MYO3B: variants seen among roughly 807,000 people sequenced by gnomAD.
MYO3B encodes the protein myosin IIIB.
MYO3B carries 156 observed loss-of-function variants against 174.6 expected under a neutral mutation model. The ratio of observed to expected loss-of-function variants is 0.89; its 90% CI spans 0.78 to 1.02. MYO3B has a LOEUF of 1.02. Among genes scored for constraint, MYO3B ranks in the 50% least tolerant of loss-of-function variants. The pLI is 0.00. For synonymous variants in MYO3B, 563 were observed against 569.1 expected (o/e 0.99, Z 0.15); for missense variants, 1,632 against 1,639.4 (o/e 1.00, Z 0.08).
At chr2:170,313,311 A>G (rs970537582) in intron 7 of MYO3B, among the ~76,000 whole-genome samples, 5 of 152,240 alleles carry the variant, frequency 3.3e-5, no homozygotes, top group African/African-American at 4.8e-5. Flanking sequence ...GCATGTAGAT[A>G]ACATGTATGG....
intron 22 of MYO3B, among the ~76,000 whole-genome samples, chr2:170,433,970 C>A (rs998998723): frequency 6.6e-6 from 1 of 152,120 alleles, no homozygotes; most frequent in Non-Finnish European, 1.5e-5. Context: ...TTGATATTAA[C>A]GTGAAAGCTG....
chr2:170,243,261 C>G (rs559315323), intron 7 of MYO3B, among the ~76,000 whole-genome samples: 1 of 152,318 alleles, frequency 6.6e-6, no homozygotes, highest in Admixed American at 6.5e-5. Flanking sequence ...CATCTGTGAT[C>G]AGCTGAGAAT....
intron 3 of MYO3B, among the ~76,000 whole-genome samples, chr2:170,212,768 C>T (rs2092786209): frequency 6.6e-6 from 1 of 152,200 alleles, no homozygotes; most frequent in Non-Finnish European, 1.5e-5. Flanking sequence ...GTGAATTCCC[C>T]GTGGCTCCAC....
At chr2:170,322,902 A>G (rs568681269) in intron 7 of MYO3B, among the ~76,000 whole-genome samples, 1 of 152,270 alleles carries the variant, frequency 6.6e-6, no homozygotes, top group African/African-American at 2.4e-5. Flanking sequence ...TTCCCCCATT[A>G]GAGACAATGT....
At chr2:170,358,221 A>C (rs2105633595) in intron 8 of MYO3B, among the ~76,000 whole-genome samples, 1 of 152,306 alleles carries the variant, frequency 6.6e-6, no homozygotes, top group East Asian at 1.9e-4. Context: ...CGGATCAACA[A>C]AATGTGGTAT....
intron 7 of MYO3B, among the ~76,000 whole-genome samples, chr2:170,268,726 C>T (rs1354578199): frequency 1.3e-5 from 2 of 151,806 alleles, no homozygotes; most frequent in Non-Finnish European, 2.9e-5. Context: ...ATTAGCAACA[C>T]ACAGATGGAA....
rs924372847 is a variant in MYO3B at position 170,203,716 on chromosome 2, C to T, written c.321+3432C>T. The stretch of plus-strand genomic sequence containing the variant: ...AATCAGGGTCTTAGTCATACTCTGA[C>T]GGACTCAAATGTGGGACTGGTGGAT... On this transcript the variant is annotated intron_variant, in intron 3 of 34. Coordinates refer to ENST00000408978, the MANE Select transcript of MYO3B (RefSeq NM_138995.5). Among the ~76,000 whole-genome samples, 6 of 152,190 alleles carry T rather than the reference C, an allele frequency of 3.9e-5. No homozygotes were observed. In the South Asian group the frequency reaches 1.0e-3, roughly 26 times the overall value.
chr2:170,496,133 C>T (rs1376145529), intron 25 of MYO3B, among the ~76,000 whole-genome samples: 8 of 152,204 alleles, frequency 5.3e-5, no homozygotes, highest in African/African-American at 1.9e-4. Context: ...GAGCACTGCC[C>T]CTCCTCCCCA....
intron 22 of MYO3B, among the ~76,000 whole-genome samples, chr2:170,440,976 A>G (rs1188395877): frequency 1.3e-5 from 2 of 151,320 alleles, no homozygotes; most frequent in Non-Finnish European, 2.9e-5. Flanking sequence ...TAATTTTTGT[A>G]TTTTTAGTAG....
At chr2:170,584,641 G>A (rs1157298411) in intron 32 of MYO3B, among the ~76,000 whole-genome samples, 1 of 152,200 alleles carries the variant, frequency 6.6e-6, no homozygotes, top group Non-Finnish European at 1.5e-5. Flanking sequence ...GTGTTGGATT[G>A]GACCTTTCGC....
At chr2:170,348,431 T>G (rs748281847) in intron 8 of MYO3B, 1 of 152,078 alleles carries the variant, frequency 6.6e-6, no homozygotes, top group Non-Finnish European at 1.5e-5. Context: ...AGAGATGAGA[T>G]TTCATCATGT....
chr2:170,321,420 A>C (rs2093825556), intron 7 of MYO3B, among the ~76,000 whole-genome samples: 1 of 152,162 alleles, frequency 6.6e-6, no homozygotes, highest in Non-Finnish European at 1.5e-5. Context: ...CTAATCAAGA[A>C]AAAAGAGAGA....
At chr2:170,245,477 G>A (rs559537412) in intron 7 of MYO3B, among the ~76,000 whole-genome samples, 1 of 152,270 alleles carries the variant, frequency 6.6e-6, no homozygotes, top group Admixed American at 6.5e-5. Context: ...CCTTCTGAGT[G>A]CCAGACCAAA....
chr2:170,181,373 G>A (rs1409911638), intron 1 of MYO3B, among the ~76,000 whole-genome samples: 4 of 152,016 alleles, frequency 2.6e-5, no homozygotes, highest in Admixed American at 2.0e-4. Flanking sequence ...AGATAATCAT[G>A]TAATCTTCAA....
chr2:170,273,842 C>T (rs2093442931), intron 7 of MYO3B, among the ~76,000 whole-genome samples: 1 of 152,090 alleles, frequency 6.6e-6, no homozygotes, highest in African/African-American at 2.4e-5. Context: ...CTCAAAAGGA[C>T]CGCAATTCCC....
At chr2:170,583,765 C>G (rs1693313720) in intron 32 of MYO3B, among the ~76,000 whole-genome samples, 1 of 152,052 alleles carries the variant, frequency 6.6e-6, no homozygotes, top group Non-Finnish European at 1.5e-5. Flanking sequence ...GATGAGCAAA[C>G]AGTTTGAGAG....
intron 7 of MYO3B, among the ~76,000 whole-genome samples, chr2:170,293,411 A>G (rs1309991423): frequency 6.6e-6 from 1 of 152,196 alleles, no homozygotes; most frequent in African/African-American, 2.4e-5. Context: ...TATGTTGAAT[A>G]AAGTGGTGAC....
At chr2:170,372,088 C>T (rs112461704) in intron 9 of MYO3B, among the ~76,000 whole-genome samples, 31,347 of 133,714 alleles carry the variant, frequency 0.23, 3,556 homozygotes, top group Middle Eastern at 0.36. Flanking sequence ...CACTGCATTC[C>T]AGCCTGGGCA....
At chr2:170,427,221 C>A (rs1276937115) in intron 22 of MYO3B, among the ~76,000 whole-genome samples, 1 of 152,172 alleles carries the variant, frequency 6.6e-6, no homozygotes, top group African/African-American at 2.4e-5. Context: ...AGAGTTCCTT[C>A]ATCAGATAAA....
Sources: allele counts gnomAD v4.1 joint callset (sites outside exome capture counted in the v4.1 genomes callset), GRCh38; gene constraint gnomAD v4.1.1; transcripts MANE v1.5; gene names NCBI Gene and HGNC (gene_info 2026-07-23, HGNC 2026-07-21).